LRRFIP1: variants seen among roughly 807,000 people sequenced by gnomAD.
The protein encoded by LRRFIP1 is leucine-rich repeat flightless-interacting protein 1.
In LRRFIP1, 62 loss-of-function variants were observed where a neutral mutation model predicts 104.4. That is an observed-to-expected ratio of 0.59 (90% CI 0.48 to 0.73). The LOEUF is 0.73. Ranked by LOEUF, LRRFIP1 falls within the 30% of genes least tolerant of loss-of-function variation. The pLI is 0.00. For missense variants in LRRFIP1, 796 were observed against 824.5 expected (o/e 0.97, Z 0.42); for synonymous variants, 300 against 299.0 (o/e 1.00, Z -0.03).
At chr2:237,688,498 C>T (rs2092550625) in intron 1 of LRRFIP1, among the ~76,000 whole-genome samples, 1 of 134,422 alleles carries the variant, frequency 7.4e-6, no homozygotes, top group African/African-American at 2.8e-5. Context: ...CTCTGTTGTC[C>T]AGGCTAGTAG....
rs986938558 is a variant in LRRFIP1, at chr2:237,735,990, G to C, written c.555+657G>C. Among the ~76,000 whole-genome samples the C allele has an allele frequency of 6.6e-6, 1 of 152,152 alleles. No individual in the cohort carries two copies. Among genetic ancestry groups the C allele is most frequent in the African/African-American group, 2.4e-5 (1 of 41,432 alleles). Reference sequence around the variant, plus strand: ...GGCGGTGGATCTCCTGTATTCAGAGGCTCCTCCCCAATCCTATAAAAATGT... The same window carrying C: ...GGCGGTGGATCTCCTGTATTCAGAGCCTCCTCCCCAATCCTATAAAAATGT... On this transcript the variant is annotated intron_variant, in intron 10 of 23. Transcript: ENST00000308482. This position sits in a 1 kb window ranked among gnomAD's most constrained non-coding sequence, Gnocchi z 4.6.
intron 1 of LRRFIP1, among the ~76,000 whole-genome samples, chr2:237,631,684 C>A (rs548057033): frequency 6.6e-6 from 1 of 152,328 alleles, no homozygotes; most frequent in East Asian, 1.9e-4. Context: ...GGTAGCATCC[C>A]AAACTTCTCA....
At chr2:237,714,043 C>T (rs1331352238) in intron 2 of LRRFIP1, among the ~76,000 whole-genome samples, 2 of 152,166 alleles carry the variant, frequency 1.3e-5, no homozygotes, top group Non-Finnish European at 2.9e-5. Context: ...TGTGGCTATG[C>T]CCCTATTTCC....
intron 11 of LRRFIP1, among the ~76,000 whole-genome samples, chr2:237,741,497 A>G (rs1034733593): frequency 1.3e-5 from 2 of 152,226 alleles, no homozygotes; most frequent in African/African-American, 4.8e-5. Flanking sequence ...TTAGTGTAGG[A>G]TTGCTTTGTC....
intron 2 of LRRFIP1, among the ~76,000 whole-genome samples, chr2:237,712,255 G>A (rs1055796545): frequency 7.9e-5 from 12 of 152,220 alleles, no homozygotes; most frequent in African/African-American, 2.9e-4. Flanking sequence ...TACAAAGCCT[G>A]TGGTCTTCCT....
intron 23 of LRRFIP1, 193 bp from the exon 24 acceptor site, chr2:237,779,229 A>G: frequency 3.7e-6 from 2 of 534,048 alleles, no homozygotes; most frequent in Non-Finnish European, 4.8e-6. Context: ...AAAAAAAAGA[A>G]AACCATCAGG....
chr2:237,721,729 A>T (rs976876111), intron 6 of LRRFIP1: 3 of 152,234 alleles, frequency 2.0e-5, no homozygotes, highest in African/African-American at 7.2e-5. Flanking sequence ...TCCCAATGAT[A>T]AAATGCAGAG....
chr2:237,627,988 G>C (rs1182437246), intron 1 of LRRFIP1, among the ~76,000 whole-genome samples: 1 of 151,066 alleles, frequency 6.6e-6, no homozygotes, highest in African/African-American at 2.4e-5. Flanking sequence ...GCGACGCTGC[G>C]CGCCCTCCCC....
At chr2:237,759,535 G>A (rs1285069091) in intron 18 of LRRFIP1, among the ~76,000 whole-genome samples, 1 of 152,232 alleles carries the variant, frequency 6.6e-6, no homozygotes, top group Non-Finnish European at 1.5e-5. Flanking sequence ...GCATGGGTGA[G>A]TGATGTCTGC....
chr2:237,697,579 T>C (rs2093274933), intron 1 of LRRFIP1, among the ~76,000 whole-genome samples: 1 of 152,184 alleles, frequency 6.6e-6, no homozygotes, highest in Non-Finnish European at 1.5e-5. Flanking sequence ...CCAGGGAATA[T>C]CCACTGAATA....
chr2:237,655,781 A>G (rs977504842), intron 1 of LRRFIP1, among the ~76,000 whole-genome samples: 7 of 152,252 alleles, frequency 4.6e-5, no homozygotes, highest in Non-Finnish European at 1.0e-4. Context: ...ACCCAACCAC[A>G]TGAACAAAAA....
intron 1 of LRRFIP1, among the ~76,000 whole-genome samples, chr2:237,639,879 G>A (rs139734845): frequency 5.0e-4 from 76 of 152,236 alleles, no homozygotes; most frequent in African/African-American, 1.7e-3. Flanking sequence ...CCCAGTAGGC[G>A]CCAGGAGCTC....
At chr2:237,699,657 A>T (rs1394083977) in intron 1 of LRRFIP1, among the ~76,000 whole-genome samples, 1 of 152,168 alleles carries the variant, frequency 6.6e-6, no homozygotes, top group Non-Finnish European at 1.5e-5. Context: ...CGGCCAAAAC[A>T]GTGGTTTTTC....
intron 2 of LRRFIP1, 96 bp downstream of exon 2, chr2:237,708,726 G>C: frequency 7.5e-7 from 1 of 1,340,314 alleles, no homozygotes; most frequent in Non-Finnish European, 1.0e-6. Context: ...GACGCACCTG[G>C]CTGTCTCACG....
intron 1 of LRRFIP1, among the ~76,000 whole-genome samples, chr2:237,674,993 C>T (rs1054927883): frequency 1.2e-4 from 19 of 152,216 alleles, no homozygotes; most frequent in African/African-American, 4.1e-4. Flanking sequence ...GGAGGGAGCC[C>T]GGAGCACGCT....
intron 16 of LRRFIP1, 129 bp from the exon 17 acceptor site, chr2:237,757,327 T>C (rs1384225125): frequency 1.6e-6 from 1 of 626,318 alleles, no homozygotes; most frequent in Non-Finnish European, 2.8e-6. Flanking sequence ...TGACAATGAG[T>C]TCAGGGTTGA....
At chr2:237,765,835 C>T in intron 19 of LRRFIP1, 1 of 973,670 alleles carries the variant, frequency 1.0e-6, no homozygotes, top group Admixed American at 6.2e-5. Context: ...GAATTGAATG[C>T]AAAAAGACCA....
Position 237,777,138 on chromosome 2 carries a change from C to G in LRRFIP1, c.1813-2284C>G, listed in dbSNP as rs534943442. Among the ~76,000 whole-genome samples, 33 of 152,314 alleles carry G rather than the reference C, an allele frequency of 2.2e-4. 1 individual carries two copies. The South Asian group carries it at 6.6e-3, about 31-fold the overall frequency. ...CCCTCCTGCCTGGCATGCACACCCT[C>G]ACACATATGTGTATATGTGTATATG... On this transcript the variant is annotated intron_variant, in intron 23 of 23. Coordinates refer to ENST00000308482, the MANE Select transcript of LRRFIP1 (RefSeq NM_001137550.2).
At chr2:237,680,129 GTC>G (rs770502914) in intron 1 of LRRFIP1, among the ~76,000 whole-genome samples, 1 of 152,142 alleles carries the variant, frequency 6.6e-6, no homozygotes, top group Non-Finnish European at 1.5e-5. Flanking sequence ...GGCCCTTTGT[GTC>G]TGTGGGTTCC....
Sources: gnomAD v4.1 joint callset for allele counts (sites outside exome capture counted in the v4.1 genomes callset) on GRCh38, gnomAD v4.1.1 for gene constraint, Gnocchi (gnomAD v3.1) non-coding constraint, MANE v1.5 for transcripts, NCBI Gene and HGNC (gene_info 2026-07-23, HGNC 2026-07-21) for gene names.